ZNF707: variants seen among roughly 807,000 people sequenced by gnomAD.
ZNF707 encodes zinc finger protein 707.
ZNF707 carries 8 observed loss-of-function variants against 13.3 expected under a neutral mutation model. The observed-to-expected ratio is 0.60, with a 90% CI of 0.35 to 1.09. The LOEUF is 1.09. Ranked by LOEUF, ZNF707 falls within the 50% of genes least tolerant of loss-of-function variation. The pLI, the probability that ZNF707 is intolerant of heterozygous loss-of-function variation, is 0.02. For synonymous variants in ZNF707, 225 were observed against 205.6 expected (o/e 1.09, Z -0.81); for missense variants, 530 against 512.6 (o/e 1.03, Z -0.33).
In ZNF707 at chr8:143,693,661, C is replaced by A; in HGVS notation, c.257-10C>A. 6.4e-7 allele frequency: 1 copy of A among 1,563,024 alleles called. No homozygotes were observed. ...CTGGCTCTGTGTAAGGGTGTCTGTT[C>A]CTTCCACAGGGGCAAGGAAGTCTGC... On this transcript the variant is annotated splice_polypyrimidine_tract_variant and intron_variant, in intron 5 of 5. Coordinates refer to ENST00000358656, the MANE Select transcript of ZNF707 (RefSeq NM_001100598.2). The surrounding 1 kb of genome is among the most constrained non-coding windows in gnomAD (Gnocchi z 4.1).
At chr8:143,688,208 G>A (rs1234191324) in intron 1 of ZNF707, 1 of 152,052 alleles carries the variant, frequency 6.6e-6, no homozygotes, top group Non-Finnish European at 1.5e-5. Context: ...ATTTTCAAAT[G>A]ACAGCAAATG....
At chr8:143,690,431 C>T in intron 3 of ZNF707, 1 of 373,644 alleles carries the variant, frequency 2.7e-6, no homozygotes, top group South Asian at 4.7e-5. Flanking sequence ...ATTAGCTGGG[C>T]ACGCACCTGT....
intron 2 of ZNF707, 52 bp from the exon 3 acceptor site, chr8:143,690,005 C>CG: frequency 2.0e-6 from 3 of 1,491,604 alleles, no homozygotes; most frequent in South Asian, 1.1e-5. Context: ...GGGTCAGGTG[C>CG]GGGGGGCATT....
Position 143,693,219 on chromosome 8 carries a change from A to G in ZNF707, c.257-452A>G, listed in dbSNP as rs1412390474. Among the ~76,000 whole-genome samples the G allele has an allele frequency of 6.6e-6, 1 of 151,700 alleles. No individual in the cohort carries two copies. Among genetic ancestry groups the G allele is most frequent in the African/African-American group, 2.4e-5 (1 of 41,242 alleles). On this transcript the variant is annotated intron_variant, in intron 5 of 5. Transcript: ENST00000358656. This position sits in a 1 kb window ranked among gnomAD's most constrained non-coding sequence, Gnocchi z 4.1. The stretch of plus-strand genomic sequence containing the variant: ...GAACGAGTTTTCCTGATCACTCGTA[A>G]CCATGTGGAATGAGCTGAGTCAATG...
Position 143,690,069 on chromosome 8 carries a change from T to G in ZNF707, c.-40T>G. ...CTTGTCTCCCCAGATCTGCCCTCCT[T>G]GGCACTGTGCTTCCCCAGAGGGGTG... On this transcript the variant is annotated 5_prime_UTR_variant, in exon 3 of 6. Coordinates refer to ENST00000358656, the MANE Select transcript of ZNF707 (RefSeq NM_001100598.2). 6.2e-7 allele frequency: 1 copy of G among 1,609,238 alleles called. No homozygotes were observed. The highest frequency in any genetic ancestry group is 8.5e-7 in the Non-Finnish European group (1 of 1,179,750).
chr8:143,687,654 C>T (rs926940333), intron 1 of ZNF707, among the ~76,000 whole-genome samples: 3 of 152,058 alleles, frequency 2.0e-5, no homozygotes, highest in Non-Finnish European at 2.9e-5. Flanking sequence ...TCTTTGTAAT[C>T]TTATGGCTTT....
intron 1 of ZNF707, among the ~76,000 whole-genome samples, chr8:143,686,601 C>T (rs1816295660): frequency 6.6e-6 from 1 of 151,890 alleles, no homozygotes; most frequent in Non-Finnish European, 1.5e-5. Context: ...TATATAAGTC[C>T]TTTGTCAGAT....
chr8:143,691,047 C>T lies in ZNF707; in HGVS notation c.16-26C>T, dbSNP rs373539783. 2.5e-6 allele frequency: 4 copies of T among 1,613,198 alleles called. No homozygotes were observed. In the African/African-American group the frequency reaches 5.3e-5, roughly 22 times the overall value. Reference sequence around the variant, plus strand: ...GAGCCTTCTTTTTCTTGGGAATGGCCTCTTCGGGAGCTGTGTGTGTTGCAG... The same window carrying T: ...GAGCCTTCTTTTTCTTGGGAATGGCTTCTTCGGGAGCTGTGTGTGTTGCAG... On this transcript the variant is annotated intron_variant, in intron 3 of 5. Transcript: ENST00000358656.
At chr8:143,692,103 T>C in intron 5 of ZNF707, 1 of 1,329,200 alleles carries the variant, frequency 7.5e-7, no homozygotes, top group Non-Finnish European at 9.8e-7. Context: ...CGTGAGGGTC[T>C]CCAGGTATGT....
intron 2 of ZNF707, 118 bp from the exon 3 acceptor site, chr8:143,689,939 G>C (rs1193367235): frequency 1.3e-6 from 1 of 771,744 alleles, no homozygotes; most frequent in Admixed American, 2.3e-5. Flanking sequence ...GACCCTGTGT[G>C]TGCATCACTC....
At chr8:143,686,024 T>A (rs868928719) in intron 1 of ZNF707, among the ~76,000 whole-genome samples, 5 of 152,316 alleles carry the variant, frequency 3.3e-5, no homozygotes, top group Middle Eastern at 3.4e-3. Flanking sequence ...GACTCTGCTT[T>A]CCAGGCTGGG....
At chr8:143,685,590 A>G (rs543522862) in intron 1 of ZNF707, among the ~76,000 whole-genome samples, 34 of 150,718 alleles carry the variant, frequency 2.3e-4, no homozygotes, top group African/African-American at 8.0e-4. Context: ...CTGTAACCCC[A>G]GCACTTGGGG....
In ZNF707 at chr8:143,694,924, T is replaced by G. The variant is rs1817206041; in HGVS notation, c.*394T>G. Reference sequence around the variant, plus strand: ...GAGTCGCCGTCTGCTGGGCCTTTCCTTCCTGGCTCTGCACCCCATGCTGGC... The same window carrying G: ...GAGTCGCCGTCTGCTGGGCCTTTCCGTCCTGGCTCTGCACCCCATGCTGGC... On this transcript the variant is annotated 3_prime_UTR_variant, in exon 6 of 6. Transcript: ENST00000358656. The surrounding 1 kb of genome is among the most constrained non-coding windows in gnomAD (Gnocchi z 4.4). 5.1e-6 allele frequency: 1 copy of G among 197,956 alleles called. No homozygotes were observed. The allele number at this position is 197,956 out of a possible 1,614,324, so 12.3% of individuals were successfully genotyped here. A position where few individuals can be genotyped will look rare whatever the true frequency, so the allele number is the denominator to read the frequency against.
intron 5 of ZNF707, chr8:143,692,174 T>A: frequency 7.7e-7 from 1 of 1,294,186 alleles, no homozygotes; most frequent in Non-Finnish European, 1.0e-6. Flanking sequence ...TGGCCATGCT[T>A]CCCTCCATTA....
At chr8:143,692,179 C>A in intron 5 of ZNF707, 2 of 1,294,394 alleles carry the variant, frequency 1.5e-6, no homozygotes, top group Non-Finnish European at 1.0e-6. Context: ...ATGCTTCCCT[C>A]CATTAGGTGA....
chr8:143,689,973 T>G (rs966756193), intron 2 of ZNF707, 84 bp from the exon 3 acceptor site: 5 of 1,057,692 alleles, frequency 4.7e-6, no homozygotes, highest in African/African-American at 1.6e-5. Flanking sequence ...TCCCCGTGAT[T>G]TGCTGAGTGG....
chr8:143,691,146 G>A lies in ZNF707; in HGVS notation c.89G>A (p.Arg30Lys). 1 of 1,613,850 alleles carries A rather than the reference G, an allele frequency of 6.2e-7. No individual in the cohort carries two copies. The highest frequency in any genetic ancestry group is 8.5e-7 in the Non-Finnish European group (1 of 1,179,830). Residue 30 changes from arginine (R) to lysine (K), a missense_variant, in exon 4 of 6, where the codon AGG becomes AAG. Arg to Lys is a conservative substitution (Grantham distance 26, BLOSUM62 2). Transcript: ENST00000358656. ...EEWACLEPSQ[R>K]ALYRDVMLDN... ...TGGGCGTGTCTGGAACCCAGCCAGAGGGCCCTCTACCGGGACGTGATGCTG... is the reference window on the plus strand; with the variant it reads ...TGGGCGTGTCTGGAACCCAGCCAGAAGGCCCTCTACCGGGACGTGATGCTG...
intron 1 of ZNF707, chr8:143,688,189 A>G (rs1554612602): frequency 1.3e-5 from 2 of 151,800 alleles, no homozygotes; most frequent in African/African-American, 4.8e-5. Flanking sequence ...GCCAGGATGG[A>G]GTTATGTCAT....
chr8:143,690,200 G>C, intron 3 of ZNF707, 77 bp downstream of exon 3: 1 of 1,566,400 alleles, frequency 6.4e-7, no homozygotes, highest in Non-Finnish European at 8.7e-7. Flanking sequence ...CACGCGGGGA[G>C]GGTCTGTGGC....
Sources: gnomAD v4.1 joint callset for allele counts (sites outside exome capture counted in the v4.1 genomes callset) on GRCh38, gnomAD v4.1.1 for gene constraint, Gnocchi (gnomAD v3.1) non-coding constraint, MANE v1.5 for transcripts, NCBI Gene and HGNC (gene_info 2026-07-23, HGNC 2026-07-21) for gene names.